CLSTN2: variants seen among roughly 807,000 people sequenced by gnomAD.
CLSTN2 encodes calsyntenin 2.
A neutral mutation model predicts 101.2 loss-of-function variants in CLSTN2; 48 were observed. That is an observed-to-expected ratio of 0.47 (90% CI 0.38 to 0.60). CLSTN2 has a LOEUF of 0.60. Among genes scored for constraint, CLSTN2 ranks in the 20% least tolerant of loss-of-function variants. CLSTN2 has a pLI of 0.00. For missense variants in CLSTN2, 1,160 were observed against 1,238.2 expected (o/e 0.94, Z 0.95); for synonymous variants, 481 against 463.6 (o/e 1.04, Z -0.48).
chr3:140,560,681 G>T (rs1465407642), intron 12 of CLSTN2, among the ~76,000 whole-genome samples: 1 of 152,178 alleles, frequency 6.6e-6, no homozygotes, highest in East Asian at 1.9e-4. Context: ...CCTGCAGATG[G>T]AAGATAATAC....
chr3:140,566,528 C>T lies in CLSTN2; in HGVS notation c.*275C>T. 1 of 486,784 alleles carries T rather than the reference C, an allele frequency of 2.1e-6. No homozygotes were observed. The highest frequency in any genetic ancestry group is 3.7e-6 in the Non-Finnish European group (1 of 268,454). The allele number at this position is 486,784 out of a possible 1,614,324, so 30.2% of individuals were successfully genotyped here. ...CCTAAGTTCCCCAGCATCCTGACTA[C>T]CTGTCTGCAGAGTTTGCCTTTGTTT... is the stretch of plus-strand genomic sequence containing the variant. On this transcript the variant is annotated 3_prime_UTR_variant, in exon 17 of 17. Coordinates refer to ENST00000458420, the MANE Select transcript of CLSTN2 (RefSeq NM_022131.3).
rs559209090 is a variant in CLSTN2, at chr3:140,575,811, T to C, written c.*9558T>C. ...AGCTGATTATATATATGTGTGTGTG[T>C]GTATATGTGTGCATATATGTGTACA... On this transcript the variant is annotated 3_prime_UTR_variant, in exon 17 of 17. Coordinates refer to ENST00000458420, the MANE Select transcript of CLSTN2 (RefSeq NM_022131.3). 3.4e-4 allele frequency: 52 copies of C among 152,298 alleles called. No homozygotes were observed. Among genetic ancestry groups the C allele is most frequent in the Non-Finnish European group, 6.2e-4 (42 of 68,022 alleles). The allele number at this position is 152,298 out of a possible 1,614,324, so 9.4% of individuals were successfully genotyped here.
intron 1 of CLSTN2, among the ~76,000 whole-genome samples, chr3:140,002,775 G>A (rs576817347): frequency 6.6e-6 from 1 of 152,196 alleles, no homozygotes; most frequent in South Asian, 2.1e-4. Flanking sequence ...TCATTCTTCT[G>A]CATATGGATA....
At chr3:140,376,323 G>A (rs2087916501) in intron 2 of CLSTN2, among the ~76,000 whole-genome samples, 1 of 152,202 alleles carries the variant, frequency 6.6e-6, no homozygotes, top group Non-Finnish European at 1.5e-5. Context: ...GGCAGTGAGA[G>A]GTACTCAAGG....
chr3:140,021,991 C>T (rs781195235), intron 1 of CLSTN2, among the ~76,000 whole-genome samples: 7 of 152,070 alleles, frequency 4.6e-5, no homozygotes, highest in Non-Finnish European at 7.4e-5. Flanking sequence ...GCTTTTCTGA[C>T]AGGAAGTCAC....
chr3:140,538,262 C>T (rs1474889048), intron 9 of CLSTN2, among the ~76,000 whole-genome samples: 1 of 151,904 alleles, frequency 6.6e-6, no homozygotes, highest in East Asian at 1.9e-4. Context: ...CCTATGATAC[C>T]TCCCTCTAGT....
chr3:140,143,448 A>G (rs1326096642), intron 1 of CLSTN2, among the ~76,000 whole-genome samples: 2 of 152,180 alleles, frequency 1.3e-5, no homozygotes, highest in Non-Finnish European at 2.9e-5. Flanking sequence ...CAGGCTCTCA[A>G]TGGATGGAAA....
rs568710532 is a variant in CLSTN2 at position 139,958,019 on chromosome 3, G to A, written c.109+22536G>A. On this transcript the variant is annotated intron_variant, in intron 1 of 16. Transcript: ENST00000458420. The stretch of plus-strand genomic sequence containing the variant: ...GTGTGAAAGCAGCTGTGAGGCCCCC[G>A]GTTTGATATTGATCCATCCTGCAGA... 6.6e-5 allele frequency among the ~76,000 whole-genome samples: 10 copies of A among 152,262 alleles called. 1 individual carries two copies. In the South Asian group the frequency reaches 1.9e-3, roughly 28 times the overall value.
chr3:140,069,383 G>A (rs1221683697), intron 1 of CLSTN2, among the ~76,000 whole-genome samples: 1 of 152,166 alleles, frequency 6.6e-6, no homozygotes, highest in Non-Finnish European at 1.5e-5. Flanking sequence ...GGCCTGGATA[G>A]ACCTCTCCTG....
chr3:140,293,068 G>A (rs2086969899), intron 2 of CLSTN2, among the ~76,000 whole-genome samples: 1 of 152,190 alleles, frequency 6.6e-6, no homozygotes, highest in Non-Finnish European at 1.5e-5. Context: ...AAAGAGGACT[G>A]GAATCAAGCT....
At chr3:140,115,168 G>T (rs1013661121) in intron 1 of CLSTN2, among the ~76,000 whole-genome samples, 3 of 152,188 alleles carry the variant, frequency 2.0e-5, no homozygotes, top group African/African-American at 7.2e-5. Flanking sequence ...ATCACATACT[G>T]TGAGCAAGTG....
In CLSTN2 at chr3:140,572,850, G is replaced by A. The variant is rs1192279685; in HGVS notation, c.*6597G>A. 2 of 152,396 alleles carry A rather than the reference G, an allele frequency of 1.3e-5. No homozygotes were observed. The highest frequency in any genetic ancestry group is 2.4e-5 in the African/African-American group (1 of 41,454). The allele number at this position is 152,396 out of a possible 1,614,324, so 9.4% of individuals were successfully genotyped here. ...GTAAAATCAATGACTAGTGCAGTGAGGGTGCCAAAGCAAACCACCCCCAGC... is the reference window on the plus strand; with the variant it reads ...GTAAAATCAATGACTAGTGCAGTGAAGGTGCCAAAGCAAACCACCCCCAGC... On this transcript the variant is annotated 3_prime_UTR_variant, in exon 17 of 17. Coordinates refer to ENST00000458420, the MANE Select transcript of CLSTN2 (RefSeq NM_022131.3).
chr3:139,945,630 A>C (rs910908561), intron 1 of CLSTN2, among the ~76,000 whole-genome samples: 2 of 152,182 alleles, frequency 1.3e-5, no homozygotes, highest in African/African-American at 4.8e-5. Flanking sequence ...CAGGCCCATA[A>C]ATTTTCAGGA....
At chr3:140,157,746 A>G (rs991461847) in intron 1 of CLSTN2, among the ~76,000 whole-genome samples, 1 of 152,146 alleles carries the variant, frequency 6.6e-6, no homozygotes, top group Non-Finnish European at 1.5e-5. Context: ...GTTCTGCTCT[A>G]ATTTAGTTAT....
intron 4 of CLSTN2, among the ~76,000 whole-genome samples, chr3:140,418,581 G>T (rs1481966331): frequency 6.9e-6 from 1 of 144,250 alleles, no homozygotes; most frequent in Non-Finnish European, 1.5e-5. Context: ...GCAGTGGCAC[G>T]ATCTCGGCTC....
At chr3:140,487,384 A>G (rs1174689759) in intron 8 of CLSTN2, among the ~76,000 whole-genome samples, 2 of 152,232 alleles carry the variant, frequency 1.3e-5, no homozygotes, top group Non-Finnish European at 2.9e-5. Context: ...TTCTGAGAAC[A>G]GCCCAATAGA....
intron 16 of CLSTN2, among the ~76,000 whole-genome samples, chr3:140,564,627 T>C (rs945382158): frequency 4.6e-5 from 7 of 152,248 alleles, no homozygotes; most frequent in African/African-American, 1.4e-4. Context: ...GCCCCCATTA[T>C]GCCAGATACT....
At chr3:139,962,842 G>A (rs1935535033) in intron 1 of CLSTN2, among the ~76,000 whole-genome samples, 1 of 152,124 alleles carries the variant, frequency 6.6e-6, no homozygotes, top group African/African-American at 2.4e-5. Context: ...TCCCAATAAA[G>A]CTGATATGAG....
chr3:140,064,442 A>G (rs1441692566), intron 1 of CLSTN2, among the ~76,000 whole-genome samples: 2 of 152,234 alleles, frequency 1.3e-5, no homozygotes, highest in African/African-American at 4.8e-5. Context: ...AGCACTTGTA[A>G]TTAAAATCAA....
Sources: gnomAD v4.1 joint callset for allele counts (sites outside exome capture counted in the v4.1 genomes callset) on GRCh38, gnomAD v4.1.1 for gene constraint, MANE v1.5 for transcripts, NCBI Gene and HGNC (gene_info 2026-07-23, HGNC 2026-07-21) for gene names.